Variants in IMPG1 observed in about 807,000 individuals in gnomAD.
The protein encoded by IMPG1 is interphotoreceptor matrix proteoglycan of 150 kDa.
Under a neutral mutation model 92.0 loss-of-function variants are expected in IMPG1, and 85 were observed. That is an observed-to-expected ratio of 0.92 (90% CI 0.78 to 1.11). The LOEUF is 1.11. Among genes scored for constraint, IMPG1 ranks in the 50% least tolerant of loss-of-function variants. IMPG1 has a pLI of 0.00. For missense variants in IMPG1, 1,022 were observed against 956.0 expected (o/e 1.07, Z -0.91); for synonymous variants, 367 against 334.1 (o/e 1.10, Z -1.08).
At chr6:75,929,271 A>G (rs535613240) in intron 15 of IMPG1, among the ~76,000 whole-genome samples, 39 of 152,084 alleles carry the variant, frequency 2.6e-4, no homozygotes, top group Non-Finnish European at 4.7e-4. Flanking sequence ...AGTATCATCA[A>G]TCTCCTTTTG....
chr6:75,994,505 A>G lies in IMPG1; in HGVS notation c.1291+8413T>C, dbSNP rs1044580619. On this transcript the variant is annotated intron_variant, in intron 12 of 16. Coordinates refer to ENST00000369950, the MANE Select transcript of IMPG1 (RefSeq NM_001563.4). ...AGACATATCTGAGGCTGGGTAATTT[A>G]TAAAGGAAAGAGGTTTAATGGACTC... Among the ~76,000 whole-genome samples the G allele has an allele frequency of 2.6e-5, 4 of 152,350 alleles. No individual in the cohort carries two copies. The East Asian group carries it at 7.7e-4, about 29-fold the overall frequency.
Position 76,025,499 on chromosome 6 carries a change from C to CT in IMPG1, c.498-242dup, listed in dbSNP as rs146322420. On this transcript the variant is annotated intron_variant, in intron 4 of 16. Transcript: ENST00000369950. ...GACTCCAGTGTTTTCCGTAAGCATC[C>CT]TTTTTTTTGTGGTCCTGGGGTTCTG... Among the ~76,000 whole-genome samples the CT allele has an allele frequency of 3.4e-3, 514 of 151,914 alleles. 6 individuals carry two copies. The highest frequency in any genetic ancestry group is 0.012 in the African/African-American group (489 of 41,422).
intron 12 of IMPG1, among the ~76,000 whole-genome samples, chr6:75,963,441 C>T (rs542383291): frequency 1.4e-5 from 2 of 143,846 alleles, no homozygotes; most frequent in African/African-American, 5.1e-5. Context: ...TATGATTTGA[C>T]TTTAAAAAAT....
chr6:76,011,196 C>A lies in IMPG1; in HGVS notation c.836G>T (p.Gly279Val). 1 of 1,554,446 alleles carries A rather than the reference C, an allele frequency of 6.4e-7. No individual in the cohort carries two copies. Among genetic ancestry groups the A allele is most frequent in the Non-Finnish European group, 8.9e-7 (1 of 1,127,560 alleles). Residue 279 changes from glycine to valine, a missense_variant, in exon 8 of 17, where the codon GGA becomes GTA. Around this residue, in one of 3 missense-constraint regions of IMPG1, gnomAD observed 681 missense variants for 583.6 expected, o/e 1.17. Coordinates refer to ENST00000369950, the MANE Select transcript of IMPG1 (RefSeq NM_001563.4). ...QMQKIFKKLP[G>V]FKKIHVLGFR... ...TCCTAACACATGGATTTTTTTGAAT[C>A]CTGGAAGTTTCTTAAATATCTTTTG... is the stretch of plus-strand genomic sequence containing the variant.
intron 1 of IMPG1, among the ~76,000 whole-genome samples, chr6:76,058,818 T>G (rs989498131): frequency 6.6e-6 from 1 of 152,208 alleles, no homozygotes; most frequent in African/African-American, 2.4e-5. Context: ...TTTGAGTTTC[T>G]CTAATAAAAC....
chr6:75,969,986 G>A (rs952785418), intron 12 of IMPG1, among the ~76,000 whole-genome samples: 10 of 152,178 alleles, frequency 6.6e-5, no homozygotes, highest in South Asian at 4.2e-4. Context: ...TCCTATTTTA[G>A]TTAGATGTTT....
At position 75,921,742 on chromosome 6, in the gene IMPG1, CA is replaced by C; in HGVS notation, c.*346del. 2 of 229,652 alleles carry C rather than the reference CA, an allele frequency of 8.7e-6. No homozygotes were observed. The highest frequency in any genetic ancestry group is 1.2e-4 in the South Asian group (2 of 16,762). 14.2% of individuals were successfully genotyped at this position (229,652 alleles called of 1,614,324 possible). A position where few individuals can be genotyped will look rare whatever the true frequency, so the allele number is the denominator to read the frequency against. ...CCCAATAAATTGTTCAGTCCCTAAA[CA>C]ATAAGTAAGCTATGCTTGTTGCAAA... On this transcript the variant is annotated 3_prime_UTR_variant, in exon 17 of 17. Coordinates refer to ENST00000369950, the MANE Select transcript of IMPG1 (RefSeq NM_001563.4).
intron 1 of IMPG1, among the ~76,000 whole-genome samples, chr6:76,042,403 A>C (rs1783860870): frequency 6.6e-6 from 1 of 152,032 alleles, no homozygotes; most frequent in Non-Finnish European, 1.5e-5. Flanking sequence ...TTTCCCACAC[A>C]TCTTTCTAAA....
intron 2 of IMPG1, among the ~76,000 whole-genome samples, chr6:76,036,586 A>G (rs750014049): frequency 2.0e-5 from 3 of 152,248 alleles, no homozygotes; most frequent in African/African-American, 4.8e-5. Flanking sequence ...ATTTATGTTC[A>G]TATTTTTGTT....
intron 14 of IMPG1, among the ~76,000 whole-genome samples, chr6:75,945,595 C>T (rs1227710630): frequency 6.6e-6 from 1 of 152,164 alleles, no homozygotes; most frequent in African/African-American, 2.4e-5. Flanking sequence ...AAGTGATCCA[C>T]CTGCCTTGGC....
At chr6:75,982,561 CTATA>C (rs1384564750) in intron 12 of IMPG1, among the ~76,000 whole-genome samples, 2 of 148,094 alleles carry the variant, frequency 1.4e-5, no homozygotes, top group African/African-American at 5.0e-5. Flanking sequence ...ATCTATCTAT[CTATA>C]TATCTATATA....
intron 12 of IMPG1, among the ~76,000 whole-genome samples, chr6:75,971,007 A>C (rs1484741242): frequency 6.6e-6 from 1 of 152,168 alleles, no homozygotes; most frequent in Non-Finnish European, 1.5e-5. Context: ...TGCTATAAAG[A>C]CACATGCACA....
intron 12 of IMPG1, among the ~76,000 whole-genome samples, chr6:75,982,608 TA>T (rs1782647334): frequency 6.6e-6 from 1 of 150,588 alleles, no homozygotes; most frequent in East Asian, 1.9e-4. Flanking sequence ...TGTGTGTATA[TA>T]TATATGTGTG....
At chr6:75,996,700 G>C (rs1422620880) in intron 12 of IMPG1, among the ~76,000 whole-genome samples, 1 of 152,196 alleles carries the variant, frequency 6.6e-6, no homozygotes, top group Non-Finnish European at 1.5e-5. Context: ...GGATGTGACT[G>C]ACATGTCAAG....
intron 12 of IMPG1, among the ~76,000 whole-genome samples, chr6:75,989,570 T>C (rs191567732): frequency 1.3e-5 from 2 of 152,326 alleles, no homozygotes; most frequent in East Asian, 1.9e-4. Flanking sequence ...TGGCCGGGTA[T>C]GGTGGCTCAC....
chr6:75,999,774 A>G (rs1213154376), intron 12 of IMPG1, among the ~76,000 whole-genome samples: 1 of 152,234 alleles, frequency 6.6e-6, no homozygotes, highest in African/African-American at 2.4e-5. Context: ...CTTGCTCAAT[A>G]CAAATCACAA....
At chr6:76,051,243 A>G (rs947757735) in intron 1 of IMPG1, among the ~76,000 whole-genome samples, 4 of 152,228 alleles carry the variant, frequency 2.6e-5, no homozygotes, top group Non-Finnish European at 4.4e-5. Flanking sequence ...ACATTAGTAG[A>G]TTCTCAATTA....
Position 75,921,922 on chromosome 6 carries a change from C to A in IMPG1, c.*167G>T. The A allele has an allele frequency of 2.2e-6, 1 of 460,264 alleles. No homozygotes were observed. The highest frequency in any genetic ancestry group is 3.9e-6 in the Non-Finnish European group (1 of 256,946). The allele number at this position is 460,264 out of a possible 1,614,324, so 28.5% of individuals were successfully genotyped here. ...CTTTTTCTTCAGAATTTACTGGTTGCCAAGTACATGACTCTTCTATATTTG... is the reference window on the plus strand; with the variant it reads ...CTTTTTCTTCAGAATTTACTGGTTGACAAGTACATGACTCTTCTATATTTG... On this transcript the variant is annotated 3_prime_UTR_variant, in exon 17 of 17. Coordinates refer to ENST00000369950, the MANE Select transcript of IMPG1 (RefSeq NM_001563.4).
chr6:75,957,170 G>A (rs771044122), intron 12 of IMPG1, among the ~76,000 whole-genome samples: 1 of 152,074 alleles, frequency 6.6e-6, no homozygotes, highest in Non-Finnish European at 1.5e-5. Context: ...CACTCGCCTC[G>A]GCTTCCCAAA....
Sources: gnomAD v4.1 joint callset for allele counts (sites outside exome capture counted in the v4.1 genomes callset) on GRCh38, gnomAD v4.1.1 for gene constraint, gnomAD v4.1.1 regional missense constraint, MANE v1.5 for transcripts, NCBI Gene and HGNC (gene_info 2026-07-23, HGNC 2026-07-21) for gene names.